The following SHISA7 variants were observed in gnomAD, a reference collection of about 807,000 sequenced individuals.
SHISA7 encodes the protein protein shisa-7.
In SHISA7, 6 loss-of-function variants were observed where a neutral mutation model predicts 23.9. The observed-to-expected ratio is 0.25, with a 90% CI of 0.14 to 0.50. The LOEUF (loss-of-function observed/expected upper bound fraction) is 0.50, where lower values mean the gene tolerates loss of function less well. Ranked by LOEUF, SHISA7 falls within the 20% of genes least tolerant of loss-of-function variation. The pLI is 0.98. For missense variants in SHISA7, 671 were observed against 801.1 expected (o/e 0.84, Z 1.96); for synonymous variants, 386 against 398.3 (o/e 0.97, Z 0.37).
At position 55,437,668 on chromosome 19, in the gene SHISA7, G is replaced by A; in HGVS notation, c.913C>T (p.Pro305Ser). 2 of 1,551,606 alleles carry A rather than the reference G, an allele frequency of 1.3e-6. No homozygotes were observed. Among genetic ancestry groups the A allele is most frequent in the Admixed American group, 2.0e-5 (1 of 51,002 alleles). The change falls in exon 3 of 4, where the codon CCC becomes TCC. Residue 305 changes from proline to serine, a missense_variant. Physicochemically the swap from Pro to Ser is moderately conservative, Grantham distance 74 (BLOSUM62 -1). Around this residue, in one of 5 missense-constraint regions of SHISA7, gnomAD observed 457 missense variants for 488.3 expected, o/e 0.94. Transcript: ENST00000376325. ...TTCACGGCAGCCTCGTAGGACGGGG[G>A]CAGATGCGAGAGGTTGTGGAAGGAC... ...SRSFHNLSHL[P>S]PSYEAAVKSE... is the part of the protein sequence containing the mutation.
Position 55,442,508 on chromosome 19 carries a change from C to T in SHISA7, c.356G>A (p.Arg119His), listed in dbSNP as rs906981230. 1.4e-6 allele frequency: 2 copies of T among 1,476,246 alleles called. No individual in the cohort carries two copies. Among genetic ancestry groups the T allele is most frequent in the Non-Finnish European group, 1.8e-6 (2 of 1,110,492 alleles). The allele number at this position is 1,476,246 out of a possible 1,614,324, so 91.4% of individuals were successfully genotyped here. Residue 119 changes from arginine to histidine, a missense_variant, in exon 1 of 4, where the codon CGT becomes CAT. Around this residue, in one of 5 missense-constraint regions of SHISA7, gnomAD observed 48 missense variants for 111.0 expected, o/e 0.43. Coordinates refer to ENST00000376325, the MANE Select transcript of SHISA7 (RefSeq NM_001145176.2). ...GGAGGCCTGCGCCAGGCGCATGTGA[C>T]GGTGCTCACAGCAGAAGCGGTAGTG... Reference protein sequence around the residue: ...TCHYRFCCEHRHMRLAQASCS... With the variant: ...TCHYRFCCEHHHMRLAQASCS...
In SHISA7 at chr19:55,442,564, G is replaced by A. The variant is rs1457920701; in HGVS notation, c.300C>T (p.Thr100=). 9 of 1,477,982 alleles carry A rather than the reference G, an allele frequency of 6.1e-6. No homozygotes were observed. In the East Asian group the frequency reaches 2.7e-4, roughly 44 times the overall value. The allele number at this position is 1,477,982 out of a possible 1,614,324, so 91.6% of individuals were successfully genotyped here. A position where few individuals can be genotyped will look rare whatever the true frequency, so the allele number is the denominator to read the frequency against. The change falls in exon 1 of 4, where the codon ACC becomes ACT. Residue 100 remains threonine (T), a synonymous_variant. Coordinates refer to ENST00000376325, the MANE Select transcript of SHISA7 (RefSeq NM_001145176.2). ...GQYDATFNCS[T]GSYRFCCGTC... ...TGCCACAGCAGAAGCGGTAGGAGCC[G>A]GTGCTGCAGTTGAAGGTGGCGTCGT...
intron 3 of SHISA7, among the ~76,000 whole-genome samples, chr19:55,434,553 T>C (rs1330498382): frequency 8.7e-6 from 1 of 115,388 alleles, no homozygotes; most frequent in African/African-American, 3.4e-5. Context: ...TGTGTGTGTA[T>C]GGTGTGTGTG....
intron 1 of SHISA7, among the ~76,000 whole-genome samples, 172 bp from the exon 2 acceptor site, chr19:55,440,937 C>A (rs1985587077): frequency 1.3e-5 from 2 of 152,168 alleles, no homozygotes; most frequent in Admixed American, 6.5e-5. Flanking sequence ...GAATGACCCC[C>A]TTTCTCAGGC....
At chr19:55,434,306 T>TG (rs1985299477) in intron 3 of SHISA7, among the ~76,000 whole-genome samples, 1 of 101,504 alleles carries the variant, frequency 9.9e-6, no homozygotes, top group South Asian at 3.2e-4. Flanking sequence ...ATGTGGTGTG[T>TG]GTGTGGTGTG....
At position 55,431,797 on chromosome 19, in the gene SHISA7, G is replaced by T. The variant is rs1462528816; in HGVS notation, c.*1359C>A. On this transcript the variant is annotated 3_prime_UTR_variant, in exon 4 of 4. Coordinates refer to ENST00000376325, the MANE Select transcript of SHISA7 (RefSeq NM_001145176.2). ...GGCTATGGGACACCTATGAGTGCCA[G>T]AACTCCAGGATCCTGGTGATCCAGA... The T allele has an allele frequency of 6.6e-6, 1 of 152,218 alleles. No homozygotes were observed. Among genetic ancestry groups the T allele is most frequent in the Non-Finnish European group, 1.5e-5 (1 of 68,040 alleles). The allele number at this position is 152,218 out of a possible 1,614,324, so 9.4% of individuals were successfully genotyped here.
chr19:55,440,188 T>C (rs895400925), intron 2 of SHISA7, among the ~76,000 whole-genome samples: 2 of 152,186 alleles, frequency 1.3e-5, no homozygotes, highest in African/African-American at 4.8e-5. Flanking sequence ...ATGGAGAAAC[T>C]GAGGCCCACA....
At chr19:55,442,063 G>T in intron 1 of SHISA7, 130 bp downstream of exon 1, 3 of 933,378 alleles carry the variant, frequency 3.2e-6, no homozygotes, top group Non-Finnish European at 4.5e-6. Context: ...CTTCAGCTAC[G>T]CCGGCGGCCG....
intron 1 of SHISA7, 73 bp from the exon 2 acceptor site, chr19:55,440,838 G>T: frequency 1.7e-6 from 2 of 1,203,510 alleles, no homozygotes; most frequent in Non-Finnish European, 2.1e-6. Context: ...GCTTCTTTCC[G>T]CTCCCTGCTC....
chr19:55,430,386 G>C lies in SHISA7; in HGVS notation c.*2770C>G, dbSNP rs1224681241. On this transcript the variant is annotated 3_prime_UTR_variant, in exon 4 of 4. Coordinates refer to ENST00000376325, the MANE Select transcript of SHISA7 (RefSeq NM_001145176.2). ...CTGTAAGTACCATGCGGCCCCAGAG[G>C]ACAACTGAAATACAGCCCGTCACGG... The C allele has an allele frequency of 6.6e-6, 1 of 152,244 alleles. No homozygotes were observed. The highest frequency in any genetic ancestry group is 2.4e-5 in the African/African-American group (1 of 41,430). The allele number at this position is 152,244 out of a possible 1,614,324, so 9.4% of individuals were successfully genotyped here. A position where few individuals can be genotyped will look rare whatever the true frequency, so the allele number is the denominator to read the frequency against.
At position 55,433,514 on chromosome 19, in the gene SHISA7, G is replaced by T. The variant is rs776813110; in HGVS notation, c.1259C>A (p.Ala420Asp). The T allele has an allele frequency of 6.8e-7, 1 of 1,473,912 alleles. No homozygotes were observed. The highest frequency in any genetic ancestry group is 8.9e-7 in the Non-Finnish European group (1 of 1,119,434). The allele number at this position is 1,473,912 out of a possible 1,614,324, so 91.3% of individuals were successfully genotyped here. The change falls in exon 4 of 4, where the codon GCC (alanine) becomes GAC (aspartate). Residue 420 changes from alanine to aspartate, a missense_variant. By Grantham distance (126) the Ala-to-Asp change is moderately radical. Around this residue, in one of 5 missense-constraint regions of SHISA7, gnomAD observed 457 missense variants for 488.3 expected, o/e 0.94. Transcript: ENST00000376325. This position sits in a 1 kb window ranked among gnomAD's most constrained non-coding sequence, Gnocchi z 8.4. ...CAGGTGCTCGCGACTCTGGCGCAGG[G>T]CCTCGGGCGAGGACAGCAGCAGGTG... ...QEHLLLSSPEALRQSREHLLS... is the reference protein window; with the variant it reads ...QEHLLLSSPEDLRQSREHLLS...
chr19:55,433,030 G>A lies in SHISA7; in HGVS notation c.*126C>T, dbSNP rs1014919587. The A allele has an allele frequency of 1.4e-5, 16 of 1,163,468 alleles. No individual in the cohort carries two copies. The African/African-American group carries it at 2.0e-4, about 14-fold the overall frequency. The allele number at this position is 1,163,468 out of a possible 1,614,324, so 72.1% of individuals were successfully genotyped here. A position where few individuals can be genotyped will look rare whatever the true frequency, so the allele number is the denominator to read the frequency against. On this transcript the variant is annotated 3_prime_UTR_variant, in exon 4 of 4. Coordinates refer to ENST00000376325, the MANE Select transcript of SHISA7 (RefSeq NM_001145176.2). The surrounding 1 kb of genome is among the most constrained non-coding windows in gnomAD (Gnocchi z 8.4). Reference sequence around the variant, plus strand: ...TGTCTGCCAGGACATCCCAGAAGGAGGCTTTCACTCCTGTCCAAGGGCCGA... The same window carrying A: ...TGTCTGCCAGGACATCCCAGAAGGAAGCTTTCACTCCTGTCCAAGGGCCGA...
At chr19:55,434,718 GGTT>G (rs1159973137) in intron 3 of SHISA7, among the ~76,000 whole-genome samples, 10 of 120,626 alleles carry the variant, frequency 8.3e-5, no homozygotes, top group Non-Finnish European at 1.2e-4. Context: ...GTGGGTGTGT[GGTT>G]GTGTGGTGTG....
At chr19:55,435,112 TGGTGTGTGTG>T (rs1985405118) in intron 3 of SHISA7, among the ~76,000 whole-genome samples, 1 of 36,004 alleles carries the variant, frequency 2.8e-5, no homozygotes. Flanking sequence ...GGTGTGTGTG[TGGTGTGTGTG>T]GTGTGTGTGG....
intron 3 of SHISA7, among the ~76,000 whole-genome samples, chr19:55,434,966 T>G: frequency 7.5e-6 from 1 of 132,914 alleles, no homozygotes; most frequent in African/African-American, 2.9e-5. Context: ...TGTGGGTGTG[T>G]GTGGTGTGTG....
chr19:55,435,235 TGC>T (rs1985416231), intron 3 of SHISA7, among the ~76,000 whole-genome samples: 1 of 108,784 alleles, frequency 9.2e-6, no homozygotes. Context: ...TATGTGTGTG[TGC>T]GTGTGTGCGT....
intron 1 of SHISA7, among the ~76,000 whole-genome samples, chr19:55,441,537 T>C (rs1243591681): frequency 6.6e-6 from 1 of 152,216 alleles, no homozygotes; most frequent in Non-Finnish European, 1.5e-5. Flanking sequence ...CACAGATCTC[T>C]GCGTGGTTCG....
At chr19:55,438,175 T>G (rs1985514230) in intron 2 of SHISA7, among the ~76,000 whole-genome samples, 1 of 151,624 alleles carries the variant, frequency 6.6e-6, no homozygotes, top group Non-Finnish European at 1.5e-5. Flanking sequence ...GACCCAGCAG[T>G]TCTTTGGGGA....
In SHISA7 at chr19:55,434,000, T is replaced by TCCC. The variant is rs779536193; in HGVS notation, c.977-207_977-205dup. ...GTAGATGTGGAGGACTTCCTCTTCT[T>TCCC]CCCCCCCGCGCCGCCTATCCCTTCT... On this transcript the variant is annotated intron_variant, in intron 3 of 3. Transcript: ENST00000376325. The surrounding 1 kb of genome is among the most constrained non-coding windows in gnomAD (Gnocchi z 8.4). Among the ~76,000 whole-genome samples, 1 of 150,998 alleles carries TCCC rather than the reference T, an allele frequency of 6.6e-6. No homozygotes were observed. The highest frequency in any genetic ancestry group is 2.4e-5 in the African/African-American group (1 of 40,898).
Sources: allele counts gnomAD v4.1 joint callset (sites outside exome capture counted in the v4.1 genomes callset), GRCh38; gene constraint gnomAD v4.1.1; regional missense constraint gnomAD v4.1.1; non-coding constraint Gnocchi (gnomAD v3.1); transcripts MANE v1.5; gene names NCBI Gene and HGNC (gene_info 2026-07-23, HGNC 2026-07-21).